CENPC: variants seen among roughly 807,000 people sequenced by gnomAD.
CENPC encodes the protein centromere protein C, also known as CENP-C 1.
A neutral mutation model predicts 112.1 loss-of-function variants in CENPC; 63 were observed. That is an observed-to-expected ratio of 0.56 (90% CI 0.46 to 0.69). The LOEUF (loss-of-function observed/expected upper bound fraction) is 0.69. Among genes scored for constraint, CENPC ranks in the 30% least tolerant of loss-of-function variants. The probability of loss-of-function intolerance (pLI) is 0.00; values close to 1 mark genes in which losing one functional copy is unlikely to be tolerated. For synonymous variants in CENPC, 333 were observed against 367.6 expected, an observed-to-expected ratio of 0.91 and a Z score of 1.08; for missense variants, 1,000 against 1,103.8, an observed-to-expected ratio of 0.91 and a Z score of 1.33.
At chr4:67,513,938 A>G (rs1725970913) in intron 8 of CENPC, 136 bp downstream of exon 8, 3 of 707,790 alleles carry the variant, frequency 4.2e-6, no homozygotes, top group Non-Finnish European at 6.3e-6. Context: ...AAGGTTCTAG[A>G]AAAGAACCTA....
Position 67,508,839 on chromosome 4 carries a change from T to C in CENPC, c.1879A>G (p.Lys627Glu). The change falls in exon 10 of 19, where the codon AAG becomes GAG. Residue 627 changes from lysine (K) to glutamate (E), a missense_variant. By Grantham distance (56) the Lys-to-Glu change is moderately conservative. Coordinates refer to ENST00000273853, the MANE Select transcript of CENPC (RefSeq NM_001812.4). ...PLESDEADLA[K>E]KKNLDCSRST... Reference sequence around the variant, plus strand: ...CTAGAACAATCAAGATTTTTCTTCTTAGCCAAGTCTGCCTCATCACTTTCC... The same window carrying C: ...CTAGAACAATCAAGATTTTTCTTCTCAGCCAAGTCTGCCTCATCACTTTCC... 6.2e-7 allele frequency: 1 copy of C among 1,613,390 alleles called. No individual in the cohort carries two copies. Among genetic ancestry groups the C allele is most frequent in the Non-Finnish European group, 8.5e-7 (1 of 1,179,664 alleles).
At chr4:67,480,340 G>GA (rs371074626) in intron 17 of CENPC, among the ~76,000 whole-genome samples, 83 of 147,996 alleles carry the variant, frequency 5.6e-4, no homozygotes, top group Non-Finnish European at 9.7e-4. Flanking sequence ...AAAAGAAAAA[G>GA]AAAAAAAAAA....
At chr4:67,481,630 C>G (rs1724960106) in intron 17 of CENPC, among the ~76,000 whole-genome samples, 1 of 152,050 alleles carries the variant, frequency 6.6e-6, no homozygotes, top group African/African-American at 2.4e-5. Flanking sequence ...TTCAACAAAG[C>G]AAACAAAAAC....
intron 2 of CENPC, 52 bp from the exon 3 acceptor site, chr4:67,541,102 T>C: frequency 8.7e-7 from 1 of 1,144,808 alleles, no homozygotes; most frequent in Non-Finnish European, 1.3e-6. Flanking sequence ...TTCTTTATAT[T>C]ACCATCTCTT....
intron 12 of CENPC, among the ~76,000 whole-genome samples, chr4:67,496,642 T>C (rs528923612): frequency 2.0e-5 from 3 of 152,248 alleles, no homozygotes; most frequent in Admixed American, 1.3e-4. Context: ...GATCATAACA[T>C]CTAATTTCCC....
intron 17 of CENPC, among the ~76,000 whole-genome samples, chr4:67,489,213 CACACACACAT>C (rs1173163991): frequency 2.6e-5 from 4 of 151,652 alleles, no homozygotes; most frequent in South Asian, 2.1e-4. Flanking sequence ...CACACACACA[CACACACACAT>C]ACACACATAT....
chr4:67,542,847 G>T (rs779786600), intron 2 of CENPC, among the ~76,000 whole-genome samples: 3 of 152,116 alleles, frequency 2.0e-5, no homozygotes, highest in Non-Finnish European at 4.4e-5. Context: ...ATACACTCCT[G>T]CTATTACCTG....
Position 67,514,175 on chromosome 4 carries a change from T to G in CENPC, c.1343A>C (p.His448Pro). The G allele has an allele frequency of 6.2e-7, 1 of 1,612,744 alleles. No homozygotes were observed. The highest frequency in any genetic ancestry group is 8.5e-7 in the Non-Finnish European group (1 of 1,179,452). The change falls in exon 8 of 19, where the codon CAT (histidine) becomes CCT (proline). Residue 448 changes from histidine (H) to proline (P), a missense_variant. By Grantham distance (77) the His-to-Pro change is moderately conservative. Coordinates refer to ENST00000273853, the MANE Select transcript of CENPC (RefSeq NM_001812.4). ...TCTTTGAAATTCGTCTTGGGTAATA[T>G]GTGATGTATGTATGTTTTCATCTTT... ...QSKDENIHTS[H>P]ITQDEFQRNS...
In CENPC at chr4:67,502,160, T is replaced by C. The variant is rs976738276; in HGVS notation, c.2131+3045A>G. On this transcript the variant is annotated intron_variant, in intron 12 of 18. Transcript: ENST00000273853. ...TCATGACTCAAGATTATGTTCTCTATTTAGCTGGTGGTTCATTGTGTTTAA... is the reference window on the plus strand; with the variant it reads ...TCATGACTCAAGATTATGTTCTCTACTTAGCTGGTGGTTCATTGTGTTTAA... Among the ~76,000 whole-genome samples, 5 of 152,122 alleles carry C rather than the reference T, an allele frequency of 3.3e-5. 1 individual carries two copies. The highest frequency in any genetic ancestry group is 3.3e-4 in the Admixed American group (5 of 15,258).
At chr4:67,537,008 C>T (rs1304843451) in intron 4 of CENPC, among the ~76,000 whole-genome samples, 4 of 144,836 alleles carry the variant, frequency 2.8e-5, no homozygotes, top group African/African-American at 1.0e-4. Flanking sequence ...GGCAACATAC[C>T]AAGATCCCTA....
At chr4:67,531,354 T>C (rs4475192) in intron 4 of CENPC, among the ~76,000 whole-genome samples, 35,907 of 152,034 alleles carry the variant, frequency 0.24, 4,579 homozygotes, top group Non-Finnish European at 0.29. Flanking sequence ...CGTAAAACAC[T>C]GTAGTATTGA....
At chr4:67,517,591 A>G (rs1381576412) in intron 7 of CENPC, among the ~76,000 whole-genome samples, 1 of 151,644 alleles carries the variant, frequency 6.6e-6, no homozygotes, top group East Asian at 2.0e-4. Flanking sequence ...TAATCCCAGC[A>G]CTTTGGGAGG....
intron 18 of CENPC, among the ~76,000 whole-genome samples, chr4:67,473,710 C>T (rs1724731545): frequency 6.6e-6 from 1 of 151,926 alleles, no homozygotes; most frequent in Non-Finnish European, 1.5e-5. Context: ...TATCACCGTG[C>T]CTGGTTAACT....
intron 5 of CENPC, among the ~76,000 whole-genome samples, chr4:67,530,312 A>G (rs956583185): frequency 3.3e-5 from 5 of 152,200 alleles, no homozygotes; most frequent in African/African-American, 1.2e-4. Flanking sequence ...AAGAACGTAG[A>G]ATAGTAAATA....
At chr4:67,490,863 T>TAG (rs1560422768) in intron 16 of CENPC, among the ~76,000 whole-genome samples, 125 of 64,072 alleles carry the variant, frequency 2.0e-3, no homozygotes, top group Non-Finnish European at 3.7e-3. Context: ...TATATATATA[T>TAG]ATATATATAT....
chr4:67,485,782 A>G (rs1007855837), intron 17 of CENPC, among the ~76,000 whole-genome samples: 1 of 152,232 alleles, frequency 6.6e-6, no homozygotes, highest in Admixed American at 6.5e-5. Flanking sequence ...ATTCTTATTC[A>G]CTTAATGTAT....
In CENPC at chr4:67,469,112, G is replaced by A. The variant is rs539833301; in HGVS notation, c.*3493C>T. 3 of 152,226 alleles carry A rather than the reference G, an allele frequency of 2.0e-5. No individual in the cohort carries two copies. The highest frequency in any genetic ancestry group is 1.3e-4 in the Admixed American group (2 of 15,280). The allele number at this position is 152,226 out of a possible 1,614,324, so 9.4% of individuals were successfully genotyped here. ...CTGCATTGTAGTTACATAGATGTAAGTAACCATTGGAAGAAATTAAAGACA... is the reference window on the plus strand; with the variant it reads ...CTGCATTGTAGTTACATAGATGTAAATAACCATTGGAAGAAATTAAAGACA... On this transcript the variant is annotated 3_prime_UTR_variant, in exon 19 of 19. Transcript: ENST00000273853.
chr4:67,500,140 C>A, intron 12 of CENPC, among the ~76,000 whole-genome samples: 1 of 151,524 alleles, frequency 6.6e-6, no homozygotes, highest in African/African-American at 2.4e-5. Context: ...AAATGTGACA[C>A]AGAGACACAA....
At chr4:67,499,947 G>A (rs1577983566) in intron 12 of CENPC, among the ~76,000 whole-genome samples, 1 of 152,118 alleles carries the variant, frequency 6.6e-6, no homozygotes, top group East Asian at 1.9e-4. Context: ...TGAAGAGAGG[G>A]AGAAAGATGG....
Sources: gnomAD v4.1 joint callset for allele counts (sites outside exome capture counted in the v4.1 genomes callset) on GRCh38, gnomAD v4.1.1 for gene constraint, MANE v1.5 for transcripts, NCBI Gene and HGNC (gene_info 2026-07-23, HGNC 2026-07-21) for gene names.